HS6ST1: variants seen among roughly 807,000 people sequenced by gnomAD.
HS6ST1 encodes heparan sulfate 6-O-sulfotransferase 1, also known as heparan-sulfate 6-O-sulfotransferase 1.
In HS6ST1, 3 loss-of-function variants were observed where a neutral mutation model predicts 25.2. The observed-to-expected ratio is 0.12, with a 90% CI of 0.05 to 0.31. HS6ST1 has a LOEUF of 0.31. HS6ST1 is among the 10% of genes least tolerant of loss of function. The probability of loss-of-function intolerance (pLI) is 1.00; values close to 1 mark genes in which losing one functional copy is unlikely to be tolerated. For missense variants in HS6ST1, 310 were observed against 609.6 expected (o/e 0.51, Z 5.18); for synonymous variants, 204 against 275.1 (o/e 0.74, Z 2.56).
intron 1 of HS6ST1, among the ~76,000 whole-genome samples, chr2:128,277,720 G>A (rs1693717274): frequency 6.6e-6 from 1 of 152,220 alleles, no homozygotes; most frequent in African/African-American, 2.4e-5. Flanking sequence ...AGGAAAACGA[G>A]GTTGAACGAG....
chr2:128,309,792 C>T (rs115867826), intron 1 of HS6ST1, among the ~76,000 whole-genome samples: 3,261 of 152,314 alleles, frequency 0.021, 127 homozygotes, highest in African/African-American at 0.075. Flanking sequence ...GCCCCGCGGT[C>T]AGTCTCCCCA....
intron 1 of HS6ST1, among the ~76,000 whole-genome samples, chr2:128,283,967 GA>G (rs1472460541): frequency 6.6e-6 from 1 of 152,214 alleles, no homozygotes; most frequent in African/African-American, 2.4e-5. Flanking sequence ...TCCAGGTCAA[GA>G]AATGGAGGCT....
At chr2:128,315,261 T>C (rs1433854917) in intron 1 of HS6ST1, among the ~76,000 whole-genome samples, 1 of 152,200 alleles carries the variant, frequency 6.6e-6, no homozygotes, top group Non-Finnish European at 1.5e-5. Context: ...CCAAACCATA[T>C]TCCAGGAAGA....
chr2:128,317,621 C>T lies in HS6ST1; in HGVS notation c.527+416G>A, dbSNP rs1302829087. ...CTCACTTCCACTTTTGGGACCACAG[C>T]ACCGAAGCGGCACGGGGAAGCCAAC... On this transcript the variant is annotated intron_variant, in intron 1 of 1. Transcript: ENST00000259241. 2.6e-5 allele frequency among the ~76,000 whole-genome samples: 4 copies of T among 152,232 alleles called. No homozygotes were observed. The East Asian group carries it at 7.7e-4, about 29-fold the overall frequency.
chr2:128,274,603 C>T (rs1057286612), intron 1 of HS6ST1, among the ~76,000 whole-genome samples: 1 of 152,174 alleles, frequency 6.6e-6, no homozygotes, highest in African/African-American at 2.4e-5. Context: ...CCAGGAGCTC[C>T]AACCCAGGGG....
In HS6ST1 at chr2:128,318,799, C is replaced by G. The variant is rs1307716464; in HGVS notation, c.-236G>C. On this transcript the variant is annotated 5_prime_UTR_variant, in exon 1 of 2. Transcript: ENST00000259241. This position sits in a 1 kb window ranked among gnomAD's most constrained non-coding sequence, Gnocchi z 5.7. Reference sequence around the variant, plus strand: ...TCCCGCTCGGCCCCGCTCCCGGCCCCGGCCAGCACAGCGCTCTCCGCGCCC... The same window carrying G: ...TCCCGCTCGGCCCCGCTCCCGGCCCGGGCCAGCACAGCGCTCTCCGCGCCC... Among the ~76,000 whole-genome samples, 1 of 147,228 alleles carries G rather than the reference C, an allele frequency of 6.8e-6. No individual in the cohort carries two copies. The highest frequency in any genetic ancestry group is 2.4e-5 in the African/African-American group (1 of 40,926).
chr2:128,302,681 C>T (rs1214258557), intron 1 of HS6ST1, among the ~76,000 whole-genome samples: 1 of 152,204 alleles, frequency 6.6e-6, no homozygotes, highest in Non-Finnish European at 1.5e-5. Flanking sequence ...TGCTCCCCAC[C>T]AAGCCCCTGC....
At chr2:128,317,160 C>CTT in intron 1 of HS6ST1, among the ~76,000 whole-genome samples, 1 of 152,364 alleles carries the variant, frequency 6.6e-6, no homozygotes, top group East Asian at 1.9e-4. Context: ...GGAAACCCAG[C>CTT]AGCACCCCAG....
At chr2:128,280,126 C>G (rs1352316717) in intron 1 of HS6ST1, among the ~76,000 whole-genome samples, 1 of 152,252 alleles carries the variant, frequency 6.6e-6, no homozygotes, top group Non-Finnish European at 1.5e-5. Flanking sequence ...CCAACCCCAC[C>G]AGGGGCCCCC....
intron 1 of HS6ST1, among the ~76,000 whole-genome samples, chr2:128,278,075 T>C (rs959892775): frequency 5.3e-5 from 8 of 152,204 alleles, no homozygotes; most frequent in African/African-American, 1.7e-4. Flanking sequence ...CACTCAAACA[T>C]ACAGCACCCC....
chr2:128,286,096 G>GT (rs1693856285), intron 1 of HS6ST1, among the ~76,000 whole-genome samples: 1 of 152,194 alleles, frequency 6.6e-6, no homozygotes, highest in African/African-American at 2.4e-5. Context: ...GGTGTGTGGC[G>GT]TATGTAGGGA....
intron 1 of HS6ST1, among the ~76,000 whole-genome samples, chr2:128,293,666 T>C (rs1012957356): frequency 1.3e-5 from 2 of 152,136 alleles, no homozygotes; most frequent in Admixed American, 6.5e-5. Context: ...CCAGATTCTT[T>C]GGGGCCCACG....
At chr2:128,278,188 A>G (rs1693724566) in intron 1 of HS6ST1, among the ~76,000 whole-genome samples, 1 of 152,242 alleles carries the variant, frequency 6.6e-6, no homozygotes, top group Non-Finnish European at 1.5e-5. Context: ...CAGGCCGGGC[A>G]CTGCAGCCCA....
chr2:128,278,794 C>CT (rs1174515541), intron 1 of HS6ST1, among the ~76,000 whole-genome samples: 2 of 152,168 alleles, frequency 1.3e-5, no homozygotes, highest in Admixed American at 6.5e-5. Context: ...CAGAAATGGA[C>CT]TACTCAGTGG....
chr2:128,307,439 C>T (rs868028104), intron 1 of HS6ST1, among the ~76,000 whole-genome samples: 1 of 152,226 alleles, frequency 6.6e-6, no homozygotes. Context: ...GCCAGCCTGG[C>T]CCTACCTGGT....
chr2:128,301,566 A>G (rs12986686), intron 1 of HS6ST1, among the ~76,000 whole-genome samples: 23,764 of 152,230 alleles, frequency 0.16, 2,336 homozygotes, highest in Non-Finnish European at 0.21. Flanking sequence ...AGTGCCAACC[A>G]CTTGTAAGGA....
intron 1 of HS6ST1, among the ~76,000 whole-genome samples, chr2:128,312,997 A>C (rs1374367338): frequency 6.6e-6 from 1 of 152,150 alleles, no homozygotes; most frequent in Non-Finnish European, 1.5e-5. Context: ...TGGTAGGCAG[A>C]GGTTGCAGTG....
At chr2:128,284,299 C>T (rs559554262) in intron 1 of HS6ST1, among the ~76,000 whole-genome samples, 5 of 152,132 alleles carry the variant, frequency 3.3e-5, no homozygotes, top group African/African-American at 4.8e-5. Context: ...CATCCACAGG[C>T]GGCCCCCCAC....
chr2:128,302,524 CCT>C (rs1365318940), intron 1 of HS6ST1, among the ~76,000 whole-genome samples: 11 of 152,124 alleles, frequency 7.2e-5, no homozygotes, highest in Non-Finnish European at 1.5e-5. Context: ...TGGACCCAGT[CCT>C]CTCTTGGGGC....
Sources: gnomAD v4.1 joint callset for allele counts (sites outside exome capture counted in the v4.1 genomes callset) on GRCh38, gnomAD v4.1.1 for gene constraint, Gnocchi (gnomAD v3.1) non-coding constraint, MANE v1.5 for transcripts, NCBI Gene and HGNC (gene_info 2026-07-23, HGNC 2026-07-21) for gene names.